EPHB1: variants seen among roughly 807,000 people sequenced by gnomAD.
EPHB1 encodes the protein EPH receptor B1, also known as ephrin type-B receptor 1.
EPHB1 carries 30 observed loss-of-function variants against 94.4 expected under a neutral mutation model. The ratio of observed to expected loss-of-function variants is 0.32; its 90% CI spans 0.24 to 0.43. The LOEUF (loss-of-function observed/expected upper bound fraction) is 0.43. EPHB1 is among the 20% of genes least tolerant of loss of function. EPHB1 has a pLI of 1.00. For missense variants in EPHB1, 1,055 were observed against 1,308.3 expected (o/e 0.81, Z 2.99); for synonymous variants, 522 against 489.1 (o/e 1.07, Z -0.89).
intron 3 of EPHB1, among the ~76,000 whole-genome samples, chr3:135,024,552 C>G (rs1576324599): frequency 6.6e-6 from 1 of 152,154 alleles, no homozygotes; most frequent in African/African-American, 2.4e-5. Flanking sequence ...TCTGGGGGCT[C>G]CCTTTTCATC....
chr3:134,873,536 G>C (rs1192230910), intron 1 of EPHB1, among the ~76,000 whole-genome samples: 1 of 152,198 alleles, frequency 6.6e-6, no homozygotes, highest in African/African-American at 2.4e-5. Context: ...TATGGCTGCG[G>C]GGACTTGTTA....
intron 4 of EPHB1, among the ~76,000 whole-genome samples, chr3:135,110,003 A>G (rs770798096): frequency 2.2e-4 from 34 of 152,186 alleles, no homozygotes; most frequent in Non-Finnish European, 4.0e-4. Context: ...ACCCCGCACC[A>G]TGTTGCAGGG....
At position 135,020,492 on chromosome 3, in the gene EPHB1, A is replaced by G. The variant is rs1018960529; in HGVS notation, c.805+68440A>G. On this transcript the variant is annotated intron_variant, in intron 3 of 15. Transcript: ENST00000398015. Reference sequence around the variant, plus strand: ...ATTTGCCATCTCTATGGATTTGCCTATTCTGGACATTTCACATAAATGGAA... The same window carrying G: ...ATTTGCCATCTCTATGGATTTGCCTGTTCTGGACATTTCACATAAATGGAA... Among the ~76,000 whole-genome samples the G allele has an allele frequency of 5.3e-5, 8 of 152,332 alleles. No individual in the cohort carries two copies. The Middle Eastern group carries it at 0.01, about 194-fold the overall frequency.
intron 3 of EPHB1, among the ~76,000 whole-genome samples, chr3:135,055,707 G>A (rs534173648): frequency 2.8e-4 from 43 of 152,052 alleles, no homozygotes; most frequent in Middle Eastern, 3.4e-3. Context: ...GTTCACACCC[G>A]GGGTTGTTGT....
intron 6 of EPHB1, 196 bp downstream of exon 6, chr3:135,154,472 C>T (rs1448766071): frequency 3.2e-6 from 2 of 633,698 alleles, no homozygotes; most frequent in Non-Finnish European, 5.1e-6. Context: ...ACTTTCTGTG[C>T]CAACTAAGGA....
At chr3:135,230,773 T>C (rs184077481) in intron 12 of EPHB1, among the ~76,000 whole-genome samples, 18 of 152,284 alleles carry the variant, frequency 1.2e-4, no homozygotes, top group Middle Eastern at 3.4e-3. Context: ...TTTATGTCTA[T>C]GTGTGCTCCA....
chr3:135,027,693 G>C (rs1239987397), intron 3 of EPHB1, among the ~76,000 whole-genome samples: 1 of 150,376 alleles, frequency 6.6e-6, no homozygotes, highest in Non-Finnish European at 1.5e-5. Context: ...CTCTTTTTTG[G>C]TTGTGTCTCT....
chr3:135,251,627 C>T (rs767252860), intron 15 of EPHB1, among the ~76,000 whole-genome samples: 3 of 152,188 alleles, frequency 2.0e-5, no homozygotes, highest in Non-Finnish European at 4.4e-5. Context: ...GATTGTGGGA[C>T]AATCTGTGAA....
rs1020354522 is a variant in EPHB1, at chr3:135,165,964, C to T, written c.1586-4C>T. 16 of 1,612,996 alleles carry T rather than the reference C, an allele frequency of 9.9e-6. No homozygotes were observed. The highest frequency in any genetic ancestry group is 1.4e-5 in the Non-Finnish European group (16 of 1,179,034). On this transcript the variant is annotated splice_polypyrimidine_tract_variant and splice_region_variant and intron_variant, in intron 7 of 15. Coordinates refer to ENST00000398015, the MANE Select transcript of EPHB1 (RefSeq NM_004441.5). ...GAGGATTCTAATGCCTCTTTCTCAC[C>T]TAGATGATTACAAGTCAGAGCTGAG...
intron 1 of EPHB1, among the ~76,000 whole-genome samples, chr3:134,879,972 C>T (rs1178127248): frequency 6.6e-6 from 1 of 152,140 alleles, no homozygotes; most frequent in Non-Finnish European, 1.5e-5. Flanking sequence ...ATAATAAAAA[C>T]ATTCTTTGAG....
At chr3:135,051,116 C>T (rs1576346538) in intron 3 of EPHB1, among the ~76,000 whole-genome samples, 1 of 152,154 alleles carries the variant, frequency 6.6e-6, no homozygotes. Flanking sequence ...CAACACAGGA[C>T]CTTGCCTCAT....
intron 1 of EPHB1, among the ~76,000 whole-genome samples, chr3:134,862,874 G>A (rs769475904): frequency 3.3e-5 from 5 of 152,208 alleles, no homozygotes; most frequent in Non-Finnish European, 7.3e-5. Flanking sequence ...AAGACTGTAC[G>A]TCACACACAG....
intron 12 of EPHB1, among the ~76,000 whole-genome samples, chr3:135,209,007 C>G (rs902402159): frequency 6.6e-6 from 1 of 152,082 alleles, no homozygotes; most frequent in African/African-American, 2.4e-5. Flanking sequence ...ACAACAAAAA[C>G]AACATCCAGC....
chr3:135,054,909 C>A (rs562323898), intron 3 of EPHB1, among the ~76,000 whole-genome samples: 3 of 152,160 alleles, frequency 2.0e-5, no homozygotes, highest in Non-Finnish European at 4.4e-5. Context: ...ACCACCTATG[C>A]TTTCATTTTT....
intron 3 of EPHB1, among the ~76,000 whole-genome samples, chr3:135,025,107 C>G (rs199866824): frequency 8.7e-6 from 1 of 115,260 alleles, no homozygotes; most frequent in Non-Finnish European, 1.7e-5. Context: ...CCTTCCCTCC[C>G]TCCCTCCCTC....
intron 1 of EPHB1, among the ~76,000 whole-genome samples, chr3:134,903,614 A>G (rs1033808506): frequency 6.6e-6 from 1 of 152,140 alleles, no homozygotes. Flanking sequence ...CCACTCATGT[A>G]TACTTCCCTT....
At chr3:135,157,088 G>A (rs1172443789) in intron 6 of EPHB1, among the ~76,000 whole-genome samples, 2 of 152,180 alleles carry the variant, frequency 1.3e-5, no homozygotes, top group African/African-American at 4.8e-5. Context: ...TCATTGCTAT[G>A]GGTAAAGAAG....
intron 2 of EPHB1, among the ~76,000 whole-genome samples, chr3:134,932,112 G>C (rs147102901): frequency 6.6e-6 from 1 of 152,136 alleles, no homozygotes; most frequent in Non-Finnish European, 1.5e-5. Flanking sequence ...TAGAGTTCTG[G>C]AAACACTTTC....
chr3:134,987,244 AATC>A (rs1934632678), intron 3 of EPHB1, among the ~76,000 whole-genome samples: 1 of 152,214 alleles, frequency 6.6e-6, no homozygotes. Flanking sequence ...TAATTTATCT[AATC>A]ATCACAGCTG....
Sources: gnomAD v4.1 joint callset for allele counts (sites outside exome capture counted in the v4.1 genomes callset) on GRCh38, gnomAD v4.1.1 for gene constraint, MANE v1.5 for transcripts, NCBI Gene and HGNC (gene_info 2026-07-23, HGNC 2026-07-21) for gene names.